CACFD1: variants seen among roughly 807,000 people sequenced by gnomAD.
CACFD1 encodes the protein calcium channel flower domain containing 1, also known as calcium channel flower homolog.
In CACFD1, 26 loss-of-function variants were observed where a neutral mutation model predicts 21.3. The observed-to-expected ratio is 1.22, with a 90% CI of 0.89 to 1.69. CACFD1 has a LOEUF of 1.69. CACFD1 is among the 40% of genes most tolerant of loss of function. The probability of loss-of-function intolerance (pLI) is 0.00; values close to 1 mark genes in which losing one functional copy is unlikely to be tolerated. For missense variants in CACFD1, 265 were observed against 236.2 expected (o/e 1.12, Z -0.80); for synonymous variants, 121 against 106.6 (o/e 1.13, Z -0.83).
In CACFD1 at chr9:133,465,285, G is replaced by A; in HGVS notation, c.195-37G>A. ...GGGCCGCCCTCATCCTCCTGGGATTGTCAGTCGCTGCTCTTCTCCTGCCCT... is the reference window on the plus strand; with the variant it reads ...GGGCCGCCCTCATCCTCCTGGGATTATCAGTCGCTGCTCTTCTCCTGCCCT... On this transcript the variant is annotated intron_variant, in intron 2 of 4. Transcript: ENST00000316948. This position sits in a 1 kb window ranked among gnomAD's most constrained non-coding sequence, Gnocchi z 5.0. 2 of 1,612,208 alleles carry A rather than the reference G, an allele frequency of 1.2e-6. No individual in the cohort carries two copies. Among genetic ancestry groups the A allele is most frequent in the Non-Finnish European group, 1.7e-6 (2 of 1,179,694 alleles).
rs1843601847 is a variant in CACFD1 at position 133,469,747 on chromosome 9, C to CG, written c.*1097dup. The CG allele has an allele frequency of 6.6e-6, 1 of 152,316 alleles. No individual in the cohort carries two copies. Among genetic ancestry groups the CG allele is most frequent in the African/African-American group, 2.4e-5 (1 of 41,472 alleles). 9.4% of individuals were successfully genotyped at this position (152,316 alleles called of 1,614,324 possible). ...GACCGTGAGGCTGGCTCTCAGCCAT[C>CG]GGGCAGGTGCCTGGTCGGGCCTGGC... On this transcript the variant is annotated 3_prime_UTR_variant, in exon 5 of 5. Transcript: ENST00000316948.
chr9:133,466,222 C>T (rs587739104), intron 3 of CACFD1, among the ~76,000 whole-genome samples: 40 of 152,310 alleles, frequency 2.6e-4, no homozygotes, highest in Admixed American at 1.4e-3. Context: ...CTTATCTACA[C>T]GCAGTGTCAT....
At chr9:133,467,124 A>G (rs1297309730) in intron 3 of CACFD1, among the ~76,000 whole-genome samples, 3 of 152,376 alleles carry the variant, frequency 2.0e-5, no homozygotes, top group Middle Eastern at 3.4e-3. Context: ...GTAGAATGCA[A>G]TTGGCCACGA....
intron 1 of CACFD1, chr9:133,462,063 C>G: frequency 7.7e-7 from 1 of 1,297,578 alleles, no homozygotes; most frequent in Non-Finnish European, 1.0e-6. Context: ...TGGACATCCT[C>G]CAGCCCTTTA....
Position 133,460,148 on chromosome 9 carries a change from C to T in CACFD1, c.82C>T (p.Arg28Cys), listed in dbSNP as rs866413610. 1.9e-6 allele frequency: 3 copies of T among 1,559,684 alleles called. No individual in the cohort carries two copies. Among genetic ancestry groups the T allele is most frequent in the East Asian group, 2.4e-5 (1 of 41,562 alleles). The change falls in exon 1 of 5, where the codon CGC becomes TGC. Residue 28 changes from arginine to cysteine, a missense_variant. Coordinates refer to ENST00000316948, the MANE Select transcript of CACFD1 (RefSeq NM_017586.5). ...AQEEGMTWWY[R>C]WLCRLSGVLG... ...GGAAGAGGGCATGACGTGGTGGTAC[C>T]GCTGGCTGTGTCGCCTGTCTGGGGT...
At position 133,465,160 on chromosome 9, in the gene CACFD1, T is replaced by A. The variant is rs915157414; in HGVS notation, c.195-162T>A. 1.4e-6 allele frequency: 1 copy of A among 727,282 alleles called. No homozygotes were observed. Among genetic ancestry groups the A allele is most frequent in the Admixed American group, 2.1e-5 (1 of 48,112 alleles). 45.1% of individuals were successfully genotyped at this position (727,282 alleles called of 1,614,324 possible). A position where few individuals can be genotyped will look rare whatever the true frequency, so the allele number is the denominator to read the frequency against. ...TCTTCAGCAGAGGCTCTCCGAGGGG[T>A]ACGAGCAGGTGCCCTGGAGCAGCCG... On this transcript the variant is annotated intron_variant, in intron 2 of 4. Coordinates refer to ENST00000316948, the MANE Select transcript of CACFD1 (RefSeq NM_017586.5). This position sits in a 1 kb window ranked among gnomAD's most constrained non-coding sequence, Gnocchi z 5.0.
chr9:133,467,888 G>A (rs201234623), intron 3 of CACFD1, 33 bp from the exon 4 acceptor site: 413 of 1,486,552 alleles, frequency 2.8e-4, no homozygotes, highest in Middle Eastern at 7.0e-4. Flanking sequence ...CTGTGGGGCC[G>A]GAGTGCCCCC....
At position 133,468,114 on chromosome 9, in the gene CACFD1, C is replaced by T. The variant is rs1161375284; in HGVS notation, c.428+86C>T. 7 of 1,206,974 alleles carry T rather than the reference C, an allele frequency of 5.8e-6. No homozygotes were observed. In the Admixed American group the frequency reaches 1.2e-4, roughly 21 times the overall value. 74.8% of individuals were successfully genotyped at this position (1,206,974 alleles called of 1,614,324 possible). ...TCAGTGAGGAGGATCTGAGAGTGGC[C>T]CCTTTTAGCTAGTGGAGACCGAGGC... On this transcript the variant is annotated intron_variant, in intron 4 of 4. Transcript: ENST00000316948.
intron 3 of CACFD1, among the ~76,000 whole-genome samples, chr9:133,466,306 T>C (rs782129316): frequency 6.6e-6 from 1 of 152,244 alleles, no homozygotes; most frequent in Non-Finnish European, 1.5e-5. Flanking sequence ...TAATTTGGAA[T>C]ATAGAACAAT....
chr9:133,460,313 C>T (rs1013846931), intron 1 of CACFD1, 126 bp downstream of exon 1: 1 of 883,898 alleles, frequency 1.1e-6, no homozygotes, highest in Non-Finnish European at 1.5e-6. Flanking sequence ...CTGCCGGGCG[C>T]CTCCCGGGGC....
chr9:133,467,600 T>G (rs1366604515), intron 3 of CACFD1, among the ~76,000 whole-genome samples: 1 of 152,178 alleles, frequency 6.6e-6, no homozygotes, highest in Non-Finnish European at 1.5e-5. Context: ...GAAGCCAGAT[T>G]CTCTGTCACA....
intron 4 of CACFD1, 133 bp downstream of exon 4, chr9:133,468,161 G>C: frequency 9.8e-7 from 1 of 1,024,124 alleles, no homozygotes. Flanking sequence ...TAACTCATTG[G>C]TGCCTCCAGG....
intron 3 of CACFD1, among the ~76,000 whole-genome samples, chr9:133,466,732 C>G (rs140193101): frequency 1.3e-5 from 2 of 152,118 alleles, no homozygotes; most frequent in African/African-American, 2.4e-5. Context: ...GTCTCTCCCC[C>G]GCCCCCACCC....
intron 2 of CACFD1, among the ~76,000 whole-genome samples, chr9:133,463,790 G>A (rs117497898): frequency 0.03 from 4,626 of 152,364 alleles, 106 homozygotes; most frequent in Non-Finnish European, 0.04. Flanking sequence ...AAGGCCCAGG[G>A]AATGCCCACC....
rs587732900 is a variant in CACFD1 at position 133,468,705 on chromosome 9, C to G, written c.*52C>G. On this transcript the variant is annotated 3_prime_UTR_variant, in exon 5 of 5. Coordinates refer to ENST00000316948, the MANE Select transcript of CACFD1 (RefSeq NM_017586.5). ...CCCCTCTTCTGGCTCTGTGTGGGTCCAAGTGAGGCCTGGACTGTCCACGCT... is the reference window on the plus strand; with the variant it reads ...CCCCTCTTCTGGCTCTGTGTGGGTCGAAGTGAGGCCTGGACTGTCCACGCT... 2.6e-6 allele frequency: 4 copies of G among 1,524,154 alleles called. No homozygotes were observed. In the East Asian group the frequency reaches 9.7e-5, roughly 37 times the overall value. 94.4% of individuals were successfully genotyped at this position (1,524,154 alleles called of 1,614,324 possible).
Position 133,460,186 on chromosome 9 carries a change from CTG to C in CACFD1, c.121+2_121+3del. 4.5e-6 allele frequency: 7 copies of C among 1,545,712 alleles called. No homozygotes were observed. Among genetic ancestry groups the C allele is most frequent in the African/African-American group, 2.8e-5 (2 of 71,850 alleles). On this transcript the variant is annotated splice_donor_variant and coding_sequence_variant, in exon 1 of 5. Transcript: ENST00000316948. LOFTEE classifies it high-confidence loss of function. ...GCCTGTCTGGGGTGCTGGGGGCAGT[CTG>C]TGAGTATCCAGTCGGGGAGAGGGGC...
chr9:133,462,048 C>T (rs1188982520), intron 1 of CACFD1: 3 of 1,288,226 alleles, frequency 2.3e-6, no homozygotes, highest in Non-Finnish European at 3.1e-6. Flanking sequence ...ATTGAGGCCC[C>T]CAAGTGGACA....
At position 133,460,189 on chromosome 9, in the gene CACFD1, TGAGTATCCAGTCGGGGAGAGGGGCC is replaced by T. The variant is rs782627382; in HGVS notation, c.121+4_121+28del. 7 of 1,541,106 alleles carry T rather than the reference TGAGTATCCAGTCGGGGAGAGGGGCC, an allele frequency of 4.5e-6. No individual in the cohort carries two copies. Among genetic ancestry groups the T allele is most frequent in the Non-Finnish European group, 4.4e-6 (5 of 1,144,220 alleles). On this transcript the variant is annotated splice_donor_5th_base_variant and intron_variant, in intron 1 of 4. Coordinates refer to ENST00000316948, the MANE Select transcript of CACFD1 (RefSeq NM_017586.5). ...TGTCTGGGGTGCTGGGGGCAGTCTGTGAGTATCCAGTCGGGGAGAGGGGCCGGCCCCGCCGCGCATGCGCTCCTCG... is the reference window on the plus strand; with the variant it reads ...TGTCTGGGGTGCTGGGGGCAGTCTGTGGCCCCGCCGCGCATGCGCTCCTCG...
chr9:133,464,087 C>G (rs1236901831), intron 2 of CACFD1, among the ~76,000 whole-genome samples: 2 of 152,238 alleles, frequency 1.3e-5, no homozygotes, highest in Admixed American at 6.5e-5. Context: ...CGTTCCATGC[C>G]CACCTCCTGC....
Sources: gnomAD v4.1 joint callset for allele counts (sites outside exome capture counted in the v4.1 genomes callset) on GRCh38, gnomAD v4.1.1 for gene constraint, Gnocchi (gnomAD v3.1) non-coding constraint, MANE v1.5 for transcripts, NCBI Gene and HGNC (gene_info 2026-07-23, HGNC 2026-07-21) for gene names.